The following RBFOX1 variants were observed in gnomAD, a reference collection of about 807,000 sequenced individuals.
The protein encoded by RBFOX1 is RNA binding protein fox-1 homolog 1.
RBFOX1 carries 8 observed loss-of-function variants against 57.7 expected under a neutral mutation model. The observed-to-expected ratio is 0.14, with a 90% CI of 0.08 to 0.25. The LOEUF (loss-of-function observed/expected upper bound fraction) is 0.25, where lower values mean the gene tolerates loss of function less well. Among genes scored for constraint, RBFOX1 ranks in the 10% least tolerant of loss-of-function variants. RBFOX1 has a pLI of 1.00. For missense variants in RBFOX1, 611 were observed against 548.5 expected (o/e 1.11, Z -1.14); for synonymous variants, 326 against 222.4 (o/e 1.47, Z -4.15).
At chr16:7,191,734 G>A (rs1170457942) in intron 4 of RBFOX1, among the ~76,000 whole-genome samples, 7 of 152,188 alleles carry the variant, frequency 4.6e-5, no homozygotes, top group African/African-American at 1.7e-4. Flanking sequence ...TTTTAAAGAA[G>A]GGGGTTAGAG....
chr16:7,176,033 C>T (rs567298281), intron 4 of RBFOX1, among the ~76,000 whole-genome samples: 1 of 152,018 alleles, frequency 6.6e-6, no homozygotes, highest in African/African-American at 2.4e-5. Flanking sequence ...TTCATTTTGA[C>T]ATGTAACCAA....
chr16:6,833,974 A>G (rs965330103), intron 3 of RBFOX1, among the ~76,000 whole-genome samples: 3 of 152,174 alleles, frequency 2.0e-5, no homozygotes, highest in Non-Finnish European at 4.4e-5. Context: ...CCTTGGAGGC[A>G]CAGTAGGGTT....
intron 4 of RBFOX1, among the ~76,000 whole-genome samples, chr16:7,514,079 A>G (rs1265301293): frequency 6.6e-6 from 1 of 151,944 alleles, no homozygotes. Context: ...ATCTAATGAC[A>G]TTCTGCCACA....
chr16:7,426,129 G>C (rs575645741), intron 4 of RBFOX1, among the ~76,000 whole-genome samples: 1 of 152,320 alleles, frequency 6.6e-6, no homozygotes, highest in East Asian at 1.9e-4. Flanking sequence ...CAGCGTGCAG[G>C]CTCTTGGCCC....
chr16:5,778,068 C>T (rs1340410503), intron 3 of RBFOX1, among the ~76,000 whole-genome samples: 6 of 152,262 alleles, frequency 3.9e-5, no homozygotes, highest in Admixed American at 1.3e-4. Context: ...CAGGCACTTA[C>T]CTGCTGGTTC....
At chr16:6,869,416 T>A (rs1183634428) in intron 3 of RBFOX1, among the ~76,000 whole-genome samples, 1 of 152,068 alleles carries the variant, frequency 6.6e-6, no homozygotes, top group Non-Finnish European at 1.5e-5. Context: ...ATTCTGTTAT[T>A]AACCACTGTG....
At chr16:6,931,924 A>C (rs954328273) in intron 3 of RBFOX1, among the ~76,000 whole-genome samples, 1 of 152,172 alleles carries the variant, frequency 6.6e-6, no homozygotes, top group Non-Finnish European at 1.5e-5. Flanking sequence ...GGCGAGGAGT[A>C]AGCAAGAGAA....
At chr16:7,091,856 G>T (rs993427852) in intron 4 of RBFOX1, among the ~76,000 whole-genome samples, 1 of 152,220 alleles carries the variant, frequency 6.6e-6, no homozygotes, top group Admixed American at 6.5e-5. Flanking sequence ...GTGGATCAGA[G>T]ATTATGCAGA....
At chr16:7,446,790 G>A (rs1458544991) in intron 4 of RBFOX1, among the ~76,000 whole-genome samples, 1 of 143,190 alleles carries the variant, frequency 7.0e-6, no homozygotes, top group African/African-American at 2.7e-5. Flanking sequence ...GCCAAGGTAG[G>A]TCTAGGTATT....
intron 4 of RBFOX1, among the ~76,000 whole-genome samples, chr16:7,124,628 C>G (rs767608330): frequency 6.8e-6 from 1 of 147,758 alleles, no homozygotes; most frequent in Admixed American, 7.0e-5. Context: ...ACCAATAGGG[C>G]AACACATGAT....
At chr16:7,686,234 GAAT>G (rs1320157254) in intron 14 of RBFOX1, among the ~76,000 whole-genome samples, 2 of 151,750 alleles carry the variant, frequency 1.3e-5, no homozygotes, top group African/African-American at 2.4e-5. Context: ...TTATGAGTTA[GAAT>G]AATTTTTGAC....
intron 3 of RBFOX1, among the ~76,000 whole-genome samples, chr16:7,045,218 T>C (rs1210458487): frequency 1.3e-5 from 2 of 151,576 alleles, no homozygotes; most frequent in African/African-American, 2.4e-5. Flanking sequence ...GTAGGTGGAG[T>C]ATGGTGGTGG....
At chr16:6,451,529 T>A (rs2094622908) in intron 2 of RBFOX1, among the ~76,000 whole-genome samples, 1 of 152,144 alleles carries the variant, frequency 6.6e-6, no homozygotes, top group Non-Finnish European at 1.5e-5. Flanking sequence ...TGGGCGTGAC[T>A]TCCCCAACGT....
intron 14 of RBFOX1, among the ~76,000 whole-genome samples, chr16:7,701,221 T>TG (rs1164126265): frequency 0.025 from 3,743 of 152,234 alleles, 164 homozygotes; most frequent in African/African-American, 0.085. Context: ...CACTTCTAGT[T>TG]TTATCATTTT....
intron 3 of RBFOX1, among the ~76,000 whole-genome samples, chr16:5,661,347 G>T (rs897644486): frequency 6.6e-6 from 1 of 152,144 alleles, no homozygotes; most frequent in African/African-American, 2.4e-5. Context: ...ATTAAAAGAG[G>T]TATCTGCATG....
intron 4 of RBFOX1, among the ~76,000 whole-genome samples, chr16:5,875,117 C>G (rs1281164639): frequency 6.6e-6 from 1 of 152,190 alleles, no homozygotes; most frequent in Admixed American, 6.5e-5. Context: ...AGAACCTTCC[C>G]ATAGCAACAG....
intron 3 of RBFOX1, among the ~76,000 whole-genome samples, chr16:6,955,289 C>T (rs1264090089): frequency 1.3e-5 from 2 of 151,702 alleles, no homozygotes; most frequent in East Asian, 1.9e-4. Context: ...CCCTAGCGTA[C>T]GATTAAGTAA....
Position 5,968,223 on chromosome 16 carries a change from T to C in RBFOX1, c.351+100888T>C, listed in dbSNP as rs77647220. Among the ~76,000 whole-genome samples, 247 of 152,174 alleles carry C rather than the reference T, an allele frequency of 1.6e-3. 1 individual carries two copies. In the East Asian group the frequency reaches 0.017, roughly 10 times the overall value. ...CCCAGTAGCTGGGATTATGGGCATG[T>C]ACCACCATGCCCGGTTAATTTTTGT... On this transcript the variant is annotated intron_variant, in intron 4 of 19. Coordinates refer to the RBFOX1 transcript ENST00000641259.
chr16:7,403,181 C>T (rs1256910621), intron 4 of RBFOX1, among the ~76,000 whole-genome samples: 1 of 152,056 alleles, frequency 6.6e-6, no homozygotes, highest in Non-Finnish European at 1.5e-5. Flanking sequence ...TATGCAGTGA[C>T]CACCACTCTG....
Sources: gnomAD v4.1 joint callset for allele counts (sites outside exome capture counted in the v4.1 genomes callset) on GRCh38, gnomAD v4.1.1 for gene constraint, MANE v1.5 for transcripts, NCBI Gene and HGNC (gene_info 2026-07-23, HGNC 2026-07-21) for gene names.